The following MYO7B variants were observed in gnomAD, a reference collection of about 807,000 sequenced individuals.
MYO7B encodes unconventional myosin-VIIb.
In MYO7B, 212 loss-of-function variants were observed where a neutral mutation model predicts 259.7. The ratio of observed to expected loss-of-function variants is 0.82; its 90% CI spans 0.73 to 0.91. The LOEUF is 0.91. MYO7B is among the 40% of genes least tolerant of loss of function. The pLI is 0.00. For missense variants in MYO7B, 2,732 were observed against 2,813.5 expected, an observed-to-expected ratio of 0.97 and a Z score of 0.66; for synonymous variants, 1,197 against 1,166.4, an observed-to-expected ratio of 1.03 and a Z score of -0.54.
rs2104921311 is a variant in MYO7B, at chr2:127,577,975, A to C, written c.850-158A>C. 6.6e-6 allele frequency among the ~76,000 whole-genome samples: 1 copy of C among 152,284 alleles called. No homozygotes were observed. Among genetic ancestry groups the C allele is most frequent in the East Asian group, 1.9e-4 (1 of 5,180 alleles). ...GGCAAGGCCTGATCATGCTGTGGCT[A>C]CTGTGTCATGATTCTGCCTCTGAAA... On this transcript the variant is annotated intron_variant, in intron 8 of 47. Transcript: ENST00000409816. The surrounding 1 kb of genome is among the most constrained non-coding windows in gnomAD (Gnocchi z 5.2).
At position 127,607,084 on chromosome 2, in the gene MYO7B, G is replaced by GC. The variant is rs1228803970; in HGVS notation, c.2425-119dup. On this transcript the variant is annotated intron_variant, in intron 20 of 47. Coordinates refer to ENST00000409816, the MANE Select transcript of MYO7B (RefSeq NM_001393586.1). The surrounding 1 kb of genome is among the most constrained non-coding windows in gnomAD (Gnocchi z 4.4). ...ATAGGTGTGTACCATTCTAGCACCG[G>GC]CCCTTTGCCAAAACAAAACTAACTG... 6 of 871,044 alleles carry GC rather than the reference G, an allele frequency of 6.9e-6. No individual in the cohort carries two copies. Among genetic ancestry groups the GC allele is most frequent in the Non-Finnish European group, 1.1e-5 (6 of 568,840 alleles). The allele number at this position is 871,044 out of a possible 1,614,324, so 54.0% of individuals were successfully genotyped here. A position where few individuals can be genotyped will look rare whatever the true frequency, so the allele number is the denominator to read the frequency against.
At chr2:127,569,503 C>T (rs754726857) in intron 5 of MYO7B, among the ~76,000 whole-genome samples, 9 of 152,316 alleles carry the variant, frequency 5.9e-5, no homozygotes, top group Middle Eastern at 3.4e-3. Flanking sequence ...GTCTTCTGTA[C>T]GTCCTGGGCA....
intron 26 of MYO7B, among the ~76,000 whole-genome samples, chr2:127,619,753 G>A (rs145801723): frequency 1.3e-5 from 2 of 152,216 alleles, no homozygotes; most frequent in Non-Finnish European, 2.9e-5. Context: ...CATTTGAGGT[G>A]TTAATGGGCC....
rs777436 is a variant in MYO7B, at chr2:127,614,947, T to C, written c.3398+2344T>C. 0.064 allele frequency among the ~76,000 whole-genome samples: 9,822 copies of C among 152,302 alleles called. 597 individuals are homozygous for C. The highest frequency in any genetic ancestry group is 0.16 in the African/African-American group (6,774 of 41,530). ...AAATTCCCAGACAAAGCAGATGCCCTGTTCCACATCTGTCACACATTCCAC... is the reference window on the plus strand; with the variant it reads ...AAATTCCCAGACAAAGCAGATGCCCCGTTCCACATCTGTCACACATTCCAC... On this transcript the variant is annotated intron_variant, in intron 26 of 47. Coordinates refer to ENST00000409816, the MANE Select transcript of MYO7B (RefSeq NM_001393586.1). The surrounding 1 kb of genome is among the most constrained non-coding windows in gnomAD (Gnocchi z 4.6).
Position 127,634,186 on chromosome 2 carries a change from T to C in MYO7B, c.5522T>C (p.Val1841Ala). The C allele has an allele frequency of 1.9e-6, 3 of 1,602,648 alleles. No individual in the cohort carries two copies. The highest frequency in any genetic ancestry group is 3.3e-4 in the Middle Eastern group (2 of 6,046). ...FPNDTSEMLE[V>A]VANTRVRDVC... ...TGCCTCTCTGTCCAGATGCTGGAGG[T>C]GGTTGCCAACACACGGGTGCGGGAT... Residue 1841 changes from valine (V) to alanine (A), a missense_variant, in exon 41 of 48, where the codon GTG becomes GCG. Physicochemically the swap from Val to Ala is moderately conservative, Grantham distance 64. Transcript: ENST00000409816.
At chr2:127,545,375 G>C (rs1172899326) in intron 1 of MYO7B, among the ~76,000 whole-genome samples, 1 of 152,224 alleles carries the variant, frequency 6.6e-6, no homozygotes, top group African/African-American at 2.4e-5. Context: ...TGGGCCCACT[G>C]TGCTGCCCAG....
At position 127,609,823 on chromosome 2, in the gene MYO7B, C is replaced by G. The variant is rs373920944; in HGVS notation, c.3025-26C>G. On this transcript the variant is annotated intron_variant, in intron 23 of 47. Coordinates refer to ENST00000409816, the MANE Select transcript of MYO7B (RefSeq NM_001393586.1). This position sits in a 1 kb window ranked among gnomAD's most constrained non-coding sequence, Gnocchi z 6.9. ...GGCCATAGTCACTGATGGGTTCCCACTGGGCCTTCTGTCTTGTTTCCCCAG... is the reference window on the plus strand; with the variant it reads ...GGCCATAGTCACTGATGGGTTCCCAGTGGGCCTTCTGTCTTGTTTCCCCAG... 4 of 1,613,368 alleles carry G rather than the reference C, an allele frequency of 2.5e-6. No individual in the cohort carries two copies. The African/African-American group carries it at 5.3e-5, about 22-fold the overall frequency.
rs1573720625 is a variant in MYO7B, at chr2:127,629,629, CT to C, written c.4625-15del. 1 of 1,607,956 alleles carries C rather than the reference CT, an allele frequency of 6.2e-7. No homozygotes were observed. The highest frequency in any genetic ancestry group is 2.2e-5 in the East Asian group (1 of 44,576). ...CCCTGCAGAGCCCTCAGCAAATAGC[CT>C]CCCTGCCCTTACAGATGACACCACC... On this transcript the variant is annotated splice_polypyrimidine_tract_variant and intron_variant, in intron 34 of 47. Transcript: ENST00000409816.
rs573275580 is a variant in MYO7B, at chr2:127,593,677, C to T, written c.2244+33C>T. On this transcript the variant is annotated intron_variant, in intron 18 of 47. Coordinates refer to ENST00000409816, the MANE Select transcript of MYO7B (RefSeq NM_001393586.1). ...CCCGAGGAACCAGCCAGCTGTCGGC[C>T]TCCTGCAGCATGTGGGCTTGTCAGC... 27 of 1,593,986 alleles carry T rather than the reference C, an allele frequency of 1.7e-5. No homozygotes were observed. In the South Asian group the frequency reaches 1.9e-4, roughly 11 times the overall value.
At chr2:127,617,487 GTTTTTTTT>G (rs35542480) in intron 26 of MYO7B, among the ~76,000 whole-genome samples, 4 of 84,828 alleles carry the variant, frequency 4.7e-5, no homozygotes, top group Non-Finnish European at 6.5e-5. Context: ...TTGTAACGGG[GTTTTTTTT>G]TTTTTTTTTT....
In MYO7B at chr2:127,624,269, T is replaced by TG. The variant is rs1419401308; in HGVS notation, c.3996_3997insG (p.Tyr1333ValfsTer23). 6.3e-7 allele frequency: 1 copy of TG among 1,593,364 alleles called. No homozygotes were observed. Among genetic ancestry groups the TG allele is most frequent in the Admixed American group, 1.7e-5 (1 of 57,850 alleles). Reference sequence around the variant, plus strand: ...AGGACCCTGTCAGCACCGAGCTTATTTACCGCCAAGTCCTCCGAGGAGTCT... The same window carrying TG: ...AGGACCCTGTCAGCACCGAGCTTATTGTACCGCCAAGTCCTCCGAGGAGTCT... On this transcript the variant is annotated frameshift_variant, in exon 30 of 48. Transcript: ENST00000409816. LOFTEE classifies it high-confidence loss of function.
rs372272451 is a variant in MYO7B at position 127,584,183 on chromosome 2, G to A, written c.1405G>A (p.Val469Met). Reference sequence around the variant, plus strand: ...CCTGCAGCAGTTCTTTGTGCAGCACGTGTTCACCATGGAGCAAGAGGAGTA... The same window carrying A: ...CCTGCAGCAGTTCTTTGTGCAGCACATGTTCACCATGGAGCAAGAGGAGTA... ...EHLQQFFVQH[V>M]FTMEQEEYRS... is the part of the protein sequence containing the mutation. The change falls in exon 13 of 48, where the codon GTG becomes ATG. Residue 469 changes from valine to methionine, a missense_variant. Transcript: ENST00000409816. The surrounding 1 kb of genome is among the most constrained non-coding windows in gnomAD (Gnocchi z 5.8). The A allele has an allele frequency of 5.6e-6, 9 of 1,613,878 alleles. No individual in the cohort carries two copies. Among genetic ancestry groups the A allele is most frequent in the African/African-American group, 2.7e-5 (2 of 74,924 alleles).
chr2:127,596,689 T>G (rs1014094013), intron 19 of MYO7B, 133 bp downstream of exon 19: 27 of 710,714 alleles, frequency 3.8e-5, no homozygotes, highest in Non-Finnish European at 6.2e-5. Flanking sequence ...TTCCAATGCC[T>G]TCCAACCAGG....
chr2:127,634,533 C>T (rs1681691935), intron 41 of MYO7B, 63 bp from the exon 42 acceptor site: 4 of 1,410,818 alleles, frequency 2.8e-6, no homozygotes, highest in Non-Finnish European at 3.9e-6. Flanking sequence ...CAGAACCCAG[C>T]AGGTTCTCAG....
At chr2:127,536,206 T>A (rs77344655) in intron 1 of MYO7B, among the ~76,000 whole-genome samples, 7,260 of 152,252 alleles carry the variant, frequency 0.048, 195 homozygotes, top group Non-Finnish European at 0.065. Context: ...CTGGGTCCCA[T>A]GATGAGCCCC....
chr2:127,595,505 T>G (rs1343475017), intron 18 of MYO7B, among the ~76,000 whole-genome samples: 1 of 152,224 alleles, frequency 6.6e-6, no homozygotes, highest in Non-Finnish European at 1.5e-5. Context: ...TCTTGTCTTC[T>G]GCTAATTTTG....
chr2:127,625,403 C>A lies in MYO7B; in HGVS notation c.4083C>A (p.Cys1361Ter). The change falls in exon 31 of 48, where the codon TGC (cysteine) becomes TGA (stop). Residue 1361 changes from cysteine to a stop codon, truncating the protein, a stop_gained. Transcript: ENST00000409816. LOFTEE classifies it high-confidence loss of function. ...EELVELLARHCYVQLGASAES... is the reference protein window; with the variant it reads ...EELVELLARH ...TGGTTGAGCTGCTGGCCCGGCACTG[C>A]TACGTGCAGCTCGGCGCCTCAGCAG... 1 of 1,605,744 alleles carries A rather than the reference C, an allele frequency of 6.2e-7. No individual in the cohort carries two copies. Among genetic ancestry groups the A allele is most frequent in the Admixed American group, 1.7e-5 (1 of 59,116 alleles).
chr2:127,593,577 G>A lies in MYO7B; in HGVS notation c.2177G>A (p.Gly726Asp). 2 of 1,613,640 alleles carry A rather than the reference G, an allele frequency of 1.2e-6. No homozygotes were observed. The highest frequency in any genetic ancestry group is 4.5e-5 in the East Asian group (2 of 44,876). ...LQGKLRQMTL[G>D]ITDVWLRTDK... The stretch of plus-strand genomic sequence containing the variant: ...GGCAAGCTCCGCCAGATGACCCTGG[G>A]CATCACTGACGTGTGGCTGCGGACA... Residue 726 changes from glycine to aspartate, a missense_variant, in exon 18 of 48, where the codon GGC (glycine) becomes GAC (aspartate). By Grantham distance (94) the Gly-to-Asp change is moderately conservative. Around this residue, in one of 3 missense-constraint regions of MYO7B, gnomAD observed 1,906 missense variants for 2,026.4 expected, o/e 0.94. Coordinates refer to ENST00000409816, the MANE Select transcript of MYO7B (RefSeq NM_001393586.1).
chr2:127,559,810 A>G lies in MYO7B; in HGVS notation c.18+70A>G, dbSNP rs758950038. On this transcript the variant is annotated intron_variant, in intron 2 of 47. Coordinates refer to ENST00000409816, the MANE Select transcript of MYO7B (RefSeq NM_001393586.1). The surrounding 1 kb of genome is among the most constrained non-coding windows in gnomAD (Gnocchi z 4.1). ...CTCAAGGCCAAGTTGAATCGCTCCC[A>G]AGGAAAGAGAGGAAAGGCAATGAGA... 6.4e-7 allele frequency: 1 copy of G among 1,560,568 alleles called. No homozygotes were observed.
Sources: allele counts gnomAD v4.1 joint callset (sites outside exome capture counted in the v4.1 genomes callset), GRCh38; gene constraint gnomAD v4.1.1; regional missense constraint gnomAD v4.1.1; non-coding constraint Gnocchi (gnomAD v3.1); transcripts MANE v1.5; gene names NCBI Gene and HGNC (gene_info 2026-07-23, HGNC 2026-07-21).